The following FMNL2 variants were observed in gnomAD, a reference collection of about 807,000 sequenced individuals.
FMNL2 encodes the protein formin like 2.
FMNL2 carries 51 observed loss-of-function variants against 130.2 expected under a neutral mutation model. That is an observed-to-expected ratio of 0.39 (90% confidence interval 0.31 to 0.49). The LOEUF (loss-of-function observed/expected upper bound fraction) is 0.49, where lower values mean the gene tolerates loss of function less well. Ranked by LOEUF, FMNL2 falls within the 20% of genes least tolerant of loss-of-function variation. The pLI is 0.85. For missense variants in FMNL2, 977 were observed against 1,316.2 expected (o/e 0.74, Z 3.99); for synonymous variants, 465 against 467.1 (o/e 1.00, Z 0.06).
chr2:152,436,004 T>C (rs967718301), intron 1 of FMNL2, among the ~76,000 whole-genome samples: 1 of 151,694 alleles, frequency 6.6e-6, no homozygotes, highest in African/African-American at 2.4e-5. Context: ...ATAGCATGTA[T>C]ACATAAAACA....
intron 1 of FMNL2, among the ~76,000 whole-genome samples, chr2:152,491,782 C>G (rs1372934283): frequency 6.6e-6 from 1 of 152,122 alleles, no homozygotes; most frequent in South Asian, 2.1e-4. Context: ...GAAACCTCAT[C>G]TCTACTAAAA....
chr2:152,635,063 C>T (rs959743828), intron 21 of FMNL2, among the ~76,000 whole-genome samples: 39 of 151,864 alleles, frequency 2.6e-4, no homozygotes, highest in Non-Finnish European at 2.5e-4. Flanking sequence ...AGAAATGGTT[C>T]GTTGTGTAGA....
chr2:152,630,049 C>T, intron 20 of FMNL2, 144 bp downstream of exon 20: 1 of 697,352 alleles, frequency 1.4e-6, no homozygotes, highest in Non-Finnish European at 2.4e-6. Flanking sequence ...CACCATTTGA[C>T]AGAGAGCACA....
At chr2:152,359,394 C>T (rs1683028456) in intron 1 of FMNL2, among the ~76,000 whole-genome samples, 1 of 151,922 alleles carries the variant, frequency 6.6e-6, no homozygotes, top group African/African-American at 2.4e-5. Flanking sequence ...AATTTGAGTC[C>T]CCTGGCTCCT....
At chr2:152,642,025 T>C (rs1166242293) in intron 25 of FMNL2, among the ~76,000 whole-genome samples, 1 of 151,992 alleles carries the variant, frequency 6.6e-6, no homozygotes, top group Non-Finnish European at 1.5e-5. Flanking sequence ...ACTGCAAGCT[T>C]TGCCTCCTGG....
chr2:152,490,616 T>C (rs1488327053), intron 1 of FMNL2, among the ~76,000 whole-genome samples: 1 of 142,014 alleles, frequency 7.0e-6, no homozygotes, highest in East Asian at 2.1e-4. Context: ...TGTGTGTGTG[T>C]TGGATAAACT....
At chr2:152,479,128 G>A (rs1297214052) in intron 1 of FMNL2, among the ~76,000 whole-genome samples, 1 of 151,918 alleles carries the variant, frequency 6.6e-6, no homozygotes, top group Non-Finnish European at 1.5e-5. Context: ...GTTGTTGTTG[G>A]TTTGTTTTGT....
At chr2:152,539,465 T>C (rs966385642) in intron 2 of FMNL2, 4 of 152,388 alleles carry the variant, frequency 2.6e-5, no homozygotes, top group East Asian at 1.9e-4. Context: ...ATGGGCAGAC[T>C]ATGCCAAGGC....
intron 1 of FMNL2, among the ~76,000 whole-genome samples, chr2:152,491,019 T>C (rs1691156151): frequency 6.6e-6 from 1 of 152,182 alleles, no homozygotes. Flanking sequence ...CCTCGCCAGC[T>C]TTGCTCCATT....
intron 1 of FMNL2, among the ~76,000 whole-genome samples, chr2:152,347,857 T>C (rs907933854): frequency 2.6e-5 from 4 of 152,222 alleles, no homozygotes; most frequent in Admixed American, 6.5e-5. Context: ...CACAGCCTTC[T>C]TCCTGAAGCC....
intron 1 of FMNL2, among the ~76,000 whole-genome samples, chr2:152,388,615 A>G (rs996177964): frequency 2.0e-5 from 3 of 152,158 alleles, no homozygotes; most frequent in African/African-American, 7.2e-5. Context: ...AACCATATCA[A>G]CCATATTCTG....
At chr2:152,533,558 T>G (rs1439939574) in intron 2 of FMNL2, among the ~76,000 whole-genome samples, 8 of 151,360 alleles carry the variant, frequency 5.3e-5, no homozygotes, top group East Asian at 1.9e-4. Context: ...TTTTTTTTTT[T>G]TTTTTTTTTG....
chr2:152,560,810 AAGTTATACATGTTC>A, intron 5 of FMNL2, 59 bp from the exon 6 acceptor site: 5 of 1,382,438 alleles, frequency 3.6e-6, no homozygotes, highest in Non-Finnish European at 4.9e-6. Flanking sequence ...TAGGAACAGC[AAGTTATACATGTTC>A]GTTTATACAT....
chr2:152,411,180 A>AT (rs1255308440), intron 1 of FMNL2, among the ~76,000 whole-genome samples: 1 of 152,172 alleles, frequency 6.6e-6, no homozygotes, highest in African/African-American at 2.4e-5. Context: ...GTCCTGAGAG[A>AT]ATTTGACAGA....
chr2:152,566,256 A>C (rs1402235438), intron 6 of FMNL2, among the ~76,000 whole-genome samples: 3 of 152,256 alleles, frequency 2.0e-5, no homozygotes, highest in African/African-American at 7.2e-5. Flanking sequence ...AGTAATTATT[A>C]AAAGTATTTT....
At chr2:152,643,316 TC>T in intron 25 of FMNL2, 3 of 1,101,200 alleles carry the variant, frequency 2.7e-6, no homozygotes, top group East Asian at 7.3e-5. Flanking sequence ...CCCACCCCCA[TC>T]CCCAGGTATG....
chr2:152,545,280 G>T (rs920245847), intron 3 of FMNL2, among the ~76,000 whole-genome samples: 5 of 152,118 alleles, frequency 3.3e-5, no homozygotes, highest in African/African-American at 1.2e-4. Context: ...GGGAGAAAAA[G>T]ATTTCAATTC....
intron 1 of FMNL2, among the ~76,000 whole-genome samples, chr2:152,392,732 G>A (rs1011680904): frequency 6.6e-6 from 1 of 152,018 alleles, no homozygotes; most frequent in African/African-American, 2.4e-5. Flanking sequence ...ATTTTGGAAG[G>A]GACACATTCA....
intron 2 of FMNL2, among the ~76,000 whole-genome samples, chr2:152,523,407 A>G (rs939246304): frequency 6.6e-6 from 1 of 152,108 alleles, no homozygotes; most frequent in African/African-American, 2.4e-5. Context: ...TGTTTTACCA[A>G]CCTCATCCAT....
Sources: allele counts gnomAD v4.1 joint callset (sites outside exome capture counted in the v4.1 genomes callset), GRCh38; gene constraint gnomAD v4.1.1; transcripts MANE v1.5; gene names NCBI Gene and HGNC (gene_info 2026-07-23, HGNC 2026-07-21).